Variants in DOCK4 observed in about 807,000 individuals in gnomAD.
DOCK4 encodes dedicator of cytokinesis 4.
Under a neutral mutation model 268.1 loss-of-function variants are expected in DOCK4, and 97 were observed. The ratio of observed to expected loss-of-function variants is 0.36; its 90% CI spans 0.31 to 0.43. The LOEUF is 0.43. DOCK4 is among the 20% of genes least tolerant of loss of function. DOCK4 has a pLI of 1.00. For synonymous variants in DOCK4, 954 were observed against 887.2 expected, an observed-to-expected ratio of 1.08 and a Z score of -1.34; for missense variants, 2,145 against 2,455.7, an observed-to-expected ratio of 0.87 and a Z score of 2.67.
At chr7:112,043,696 C>T (rs992736114) in intron 1 of DOCK4, among the ~76,000 whole-genome samples, 3 of 151,926 alleles carry the variant, frequency 2.0e-5, no homozygotes, top group African/African-American at 7.3e-5. Context: ...GAACAGGCAA[C>T]CCTGGATAGA....
At chr7:112,063,897 C>T (rs574561660) in intron 1 of DOCK4, among the ~76,000 whole-genome samples, 1 of 152,170 alleles carries the variant, frequency 6.6e-6, no homozygotes, top group African/African-American at 2.4e-5. Flanking sequence ...TTTTTGGGTA[C>T]CCCAAGTCCT....
chr7:111,933,239 CGT>C (rs1491360627), intron 12 of DOCK4, among the ~76,000 whole-genome samples: 6 of 132,898 alleles, frequency 4.5e-5, no homozygotes, highest in African/African-American at 1.7e-4. Flanking sequence ...CACATATATA[CGT>C]ATATATACAT....
chr7:112,035,438 T>G (rs1009877164), intron 1 of DOCK4, among the ~76,000 whole-genome samples: 2 of 152,062 alleles, frequency 1.3e-5, no homozygotes, highest in South Asian at 2.1e-4. Flanking sequence ...TTCATAAAAC[T>G]ATGAATTCTA....
At chr7:111,868,268 G>C (rs1806136860) in intron 21 of DOCK4, 114 bp from the exon 22 acceptor site, 2 of 780,456 alleles carry the variant, frequency 2.6e-6, no homozygotes, top group Admixed American at 6.8e-5. Context: ...TATTCATGTA[G>C]ACACCAAGGC....
intron 22 of DOCK4, among the ~76,000 whole-genome samples, chr7:111,864,195 A>T (rs1035168444): frequency 1.3e-5 from 2 of 151,704 alleles, no homozygotes; most frequent in Admixed American, 1.3e-4. Flanking sequence ...TTCAAGATCT[A>T]TTTTAAACCA....
intron 23 of DOCK4, among the ~76,000 whole-genome samples, chr7:111,848,476 T>A (rs1027965599): frequency 3.3e-5 from 5 of 152,204 alleles, no homozygotes; most frequent in African/African-American, 1.2e-4. Flanking sequence ...TTTCTCTGAA[T>A]GTTCTCTTTT....
intron 7 of DOCK4, among the ~76,000 whole-genome samples, chr7:111,983,672 G>A (rs906152408): frequency 2.0e-5 from 3 of 152,046 alleles, no homozygotes; most frequent in Non-Finnish European, 4.4e-5. Context: ...CAAGTCATAA[G>A]TGAGACCATG....
intron 35 of DOCK4, among the ~76,000 whole-genome samples, chr7:111,781,303 C>T (rs1396815855): frequency 1.3e-5 from 2 of 152,208 alleles, no homozygotes; most frequent in Admixed American, 1.3e-4. Context: ...AAGCACTTAG[C>T]TTTTCTCCCA....
chr7:111,801,791 GC>G (rs1800311162), intron 30 of DOCK4: 2 of 146,378 alleles, frequency 1.4e-5, no homozygotes, highest in African/African-American at 5.0e-5. Context: ...CTGGGTTCAC[GC>G]CATTCTCCTG....
intron 6 of DOCK4, among the ~76,000 whole-genome samples, chr7:111,985,295 G>A (rs1274906982): frequency 1.3e-5 from 2 of 151,998 alleles, no homozygotes; most frequent in African/African-American, 4.8e-5. Context: ...ATCGATCAAG[G>A]CCGAGATGAT....
At chr7:112,163,049 C>A (rs1458798494) in intron 1 of DOCK4, among the ~76,000 whole-genome samples, 1 of 152,150 alleles carries the variant, frequency 6.6e-6, no homozygotes, top group Non-Finnish European at 1.5e-5. Flanking sequence ...CCATATCCTA[C>A]AACAACTTTT....
chr7:112,150,093 T>C (rs1040201068), intron 1 of DOCK4, among the ~76,000 whole-genome samples: 2 of 152,170 alleles, frequency 1.3e-5, no homozygotes, highest in Non-Finnish European at 2.9e-5. Context: ...GTAATGTTCC[T>C]AAAATAACAA....
intron 20 of DOCK4, 35 bp downstream of exon 20, chr7:111,871,955 C>T: frequency 6.8e-7 from 1 of 1,467,060 alleles, no homozygotes; most frequent in Non-Finnish European, 9.1e-7. Context: ...TGAAAGGAAC[C>T]ACTTCTAAAC....
chr7:111,941,631 GA>G (rs1421105917), intron 10 of DOCK4, among the ~76,000 whole-genome samples: 2 of 151,412 alleles, frequency 1.3e-5, no homozygotes, highest in Non-Finnish European at 2.9e-5. Context: ...ACATCAGAAA[GA>G]AGCTCCTTAT....
chr7:111,768,946 A>G (rs1002638091), intron 37 of DOCK4, among the ~76,000 whole-genome samples: 1 of 152,128 alleles, frequency 6.6e-6, no homozygotes, highest in Admixed American at 6.5e-5. Context: ...GGAAGTGATT[A>G]GGTCATGAGG....
chr7:112,031,054 G>A (rs1478207720), intron 1 of DOCK4, among the ~76,000 whole-genome samples: 1 of 152,158 alleles, frequency 6.6e-6, no homozygotes, highest in Non-Finnish European at 1.5e-5. Flanking sequence ...ACAGGGCAGA[G>A]GGAAAAACAG....
At chr7:112,142,896 T>A (rs931337311) in intron 1 of DOCK4, among the ~76,000 whole-genome samples, 1 of 152,160 alleles carries the variant, frequency 6.6e-6, no homozygotes, top group Non-Finnish European at 1.5e-5. Context: ...TACTATTGCA[T>A]AGCACAGGAT....
At chr7:111,881,321 G>A (rs574507348) in intron 16 of DOCK4, among the ~76,000 whole-genome samples, 3 of 152,192 alleles carry the variant, frequency 2.0e-5, no homozygotes, top group African/African-American at 7.2e-5. Context: ...CATATAAAAA[G>A]GTGCTCAACA....
chr7:111,728,278 A>G lies in DOCK4; in HGVS notation c.5924T>C (p.Leu1975Ser). The G allele has an allele frequency of 6.7e-7, 1 of 1,489,142 alleles. No homozygotes were observed. The highest frequency in any genetic ancestry group is 1.4e-5 in the South Asian group (1 of 69,664). 92.2% of individuals were successfully genotyped at this position (1,489,142 alleles called of 1,614,324 possible). A position where few individuals can be genotyped will look rare whatever the true frequency, so the allele number is the denominator to read the frequency against. ...PRPLPRKVSQ[L>S] ...GCAGGTACATAGAAAAGTGACTTAT[A>G]ACTGAGAGACCTTGCGGGGCAGGGG... is the stretch of plus-strand genomic sequence containing the variant. The change falls in exon 53 of 53, where the codon TTA becomes TCA. Residue 1975 changes from leucine to serine, a missense_variant. Coordinates refer to ENST00000428084, the MANE Select transcript of DOCK4 (RefSeq NM_001363540.2).
Sources: allele counts gnomAD v4.1 joint callset (sites outside exome capture counted in the v4.1 genomes callset), GRCh38; gene constraint gnomAD v4.1.1; transcripts MANE v1.5; gene names NCBI Gene and HGNC (gene_info 2026-07-23, HGNC 2026-07-21).